Variants in CBR4 observed in about 807,000 individuals in gnomAD.
CBR4 encodes carbonyl reductase 4.
CBR4 carries 22 observed loss-of-function variants against 21.0 expected under a neutral mutation model. The observed-to-expected ratio is 1.05, with a 90% CI of 0.75 to 1.50. The LOEUF is 1.50. CBR4 is among the 40% of genes most tolerant of loss of function. CBR4 has a pLI of 0.00. For synonymous variants in CBR4, 100 were observed against 104.4 expected (o/e 0.96, Z 0.26); for missense variants, 302 against 286.3 (o/e 1.05, Z -0.40).
intron 1 of CBR4, 91 bp downstream of exon 1, chr4:169,009,857 A>G: frequency 7.8e-7 from 1 of 1,285,792 alleles, no homozygotes; most frequent in Non-Finnish European, 1.1e-6. Context: ...CTAGAGCCCT[A>G]AAGGCCAGAC....
intron 2 of CBR4, among the ~76,000 whole-genome samples, chr4:168,923,688 C>T (rs1245162388): frequency 6.6e-6 from 1 of 151,992 alleles, no homozygotes; most frequent in Non-Finnish European, 1.5e-5. Flanking sequence ...ATATACATTC[C>T]TAGTTTACAG....
chr4:169,009,110 C>T (rs998848339), intron 1 of CBR4: 7 of 442,236 alleles, frequency 1.6e-5, no homozygotes, highest in Non-Finnish European at 3.1e-5. Flanking sequence ...AGCCACAAGA[C>T]GCACCCCTAG....
chr4:168,991,051 T>C (rs902208639), intron 4 of CBR4, among the ~76,000 whole-genome samples: 3 of 152,038 alleles, frequency 2.0e-5, no homozygotes, highest in South Asian at 2.1e-4. Flanking sequence ...TGAAACTCCA[T>C]CTCAAAAAAA....
At chr4:168,979,890 C>G (rs145701025) in intron 2 of CBR4, among the ~76,000 whole-genome samples, 1 of 152,122 alleles carries the variant, frequency 6.6e-6, no homozygotes, top group Admixed American at 6.5e-5. Context: ...AAAGAAAGAC[C>G]CTGAGTGCCT....
rs559378685 is a variant in CBR4, at chr4:168,898,117, T to G, written n.170-3352A>C. Reference sequence around the variant, plus strand: ...AGAGATGTACCACCCTGCATCAGCTTTTACCCTACAGAAGGAAATCAGCGT... The same window carrying G: ...AGAGATGTACCACCCTGCATCAGCTGTTACCCTACAGAAGGAAATCAGCGT... On this transcript the variant is annotated intron_variant and non_coding_transcript_variant, in intron 2 of 3. Coordinates refer to the CBR4 transcript ENST00000509108. The G allele has an allele frequency of 1.3e-4, 40 of 297,282 alleles. No individual in the cohort carries two copies. The South Asian group carries it at 1.4e-3, about 10-fold the overall frequency. 18.4% of individuals were successfully genotyped at this position (297,282 alleles called of 1,614,324 possible).
At chr4:168,985,599 T>C (rs1325856078), downstream of CBR4, among the ~76,000 whole-genome samples, 1 of 152,168 alleles carries the variant, frequency 6.6e-6, no homozygotes, top group East Asian at 1.9e-4. Flanking sequence ...ATTGCGGCAC[T>C]GTTCACAACA....
At position 168,988,188 on chromosome 4, in the gene CBR4, G is replaced by A. The variant is rs1054699929; in HGVS notation, c.*1962C>T. 4.1e-6 allele frequency: 4 copies of A among 985,174 alleles called. No homozygotes were observed. The highest frequency in any genetic ancestry group is 4.8e-6 in the Non-Finnish European group (4 of 829,862). The allele number at this position is 985,174 out of a possible 1,614,324, so 61.0% of individuals were successfully genotyped here. A position where few individuals can be genotyped will look rare whatever the true frequency, so the allele number is the denominator to read the frequency against. On this transcript the variant is annotated 3_prime_UTR_variant, in exon 5 of 5. Coordinates refer to ENST00000306193, the MANE Select transcript of CBR4 (RefSeq NM_032783.5). Reference sequence around the variant, plus strand: ...TTCTACTAGGTCAGTGGGAGTGGGCGGATTCACCTGGAGTGGAGCAGTGAA... The same window carrying A: ...TTCTACTAGGTCAGTGGGAGTGGGCAGATTCACCTGGAGTGGAGCAGTGAA...
At chr4:168,944,877 G>A (rs1763361305) in intron 2 of CBR4, among the ~76,000 whole-genome samples, 2 of 152,062 alleles carry the variant, frequency 1.3e-5, no homozygotes, top group African/African-American at 4.8e-5. Context: ...AATAAAACCA[G>A]AAATATCAAT....
Position 169,002,203 on chromosome 4 carries a change from T to C in CBR4, c.403A>G (p.Ser135Gly), listed in dbSNP as rs747324811. 8.1e-7 allele frequency: 1 copy of C among 1,227,780 alleles called. No individual in the cohort carries two copies. Among genetic ancestry groups the C allele is most frequent in the South Asian group, 2.2e-5 (1 of 46,280 alleles). 76.1% of individuals were successfully genotyped at this position (1,227,780 alleles called of 1,614,324 possible). A position where few individuals can be genotyped will look rare whatever the true frequency, so the allele number is the denominator to read the frequency against. ...QQGGSIVNVG[S>G]IVGLKGNSGQ... ...GAGTTGCCTTTTAAGCCAACAATGCTTCCTAGGACAAAAAAAAAAAAAAAA... is the reference window on the plus strand; with the variant it reads ...GAGTTGCCTTTTAAGCCAACAATGCCTCCTAGGACAAAAAAAAAAAAAAAA... The change falls in exon 4 of 5, where the codon AGC (serine) becomes GGC (glycine). Residue 135 changes from serine (S) to glycine (G), a missense_variant and splice_region_variant. Coordinates refer to ENST00000306193, the MANE Select transcript of CBR4 (RefSeq NM_032783.5).
intron 2 of CBR4, chr4:168,925,342 G>A (rs552537711): frequency 8.1e-7 from 1 of 1,236,618 alleles, no homozygotes; most frequent in East Asian, 2.3e-5. Flanking sequence ...ACATTGGCTA[G>A]TTAGTTGTGG....
At chr4:168,975,896 C>T (rs1237929337) in intron 2 of CBR4, among the ~76,000 whole-genome samples, 1 of 152,060 alleles carries the variant, frequency 6.6e-6, no homozygotes, top group East Asian at 1.9e-4. Flanking sequence ...CAGACCTCAC[C>T]CAACTCCCCC....
chr4:168,918,192 A>G (rs1327561555), intron 2 of CBR4, among the ~76,000 whole-genome samples: 2 of 146,806 alleles, frequency 1.4e-5, no homozygotes, highest in Non-Finnish European at 3.0e-5. Flanking sequence ...CTCCCCCACA[A>G]AAAAAAAAAA....
At chr4:168,961,235 G>A (rs1416816529) in intron 2 of CBR4, among the ~76,000 whole-genome samples, 2 of 152,156 alleles carry the variant, frequency 1.3e-5, no homozygotes, top group Non-Finnish European at 2.9e-5. Context: ...TAAACAAGGA[G>A]CTAAGTGCCA....
chr4:168,935,312 G>A (rs1033862019), intron 2 of CBR4, among the ~76,000 whole-genome samples: 3 of 152,204 alleles, frequency 2.0e-5, no homozygotes, highest in Non-Finnish European at 4.4e-5. Context: ...AAGGCCCTGA[G>A]TTTTAAGCAC....
chr4:168,918,412 T>C (rs943800000), intron 2 of CBR4, among the ~76,000 whole-genome samples: 1 of 151,890 alleles, frequency 6.6e-6, no homozygotes, highest in Admixed American at 6.6e-5. Context: ...GAGGACATAA[T>C]GTTAAGTGAA....
chr4:169,002,457 C>A (rs867251959), intron 3 of CBR4, among the ~76,000 whole-genome samples: 26 of 152,214 alleles, frequency 1.7e-4, no homozygotes, highest in African/African-American at 6.3e-4. Flanking sequence ...CAGGTGCTTG[C>A]GAATTGATTC....
intron 2 of CBR4, among the ~76,000 whole-genome samples, chr4:168,955,644 A>G (rs1410131154): frequency 6.6e-6 from 1 of 152,154 alleles, no homozygotes; most frequent in East Asian, 1.9e-4. Flanking sequence ...TAGCACTCCA[A>G]AGTATCCTGT....
chr4:168,904,015 T>A, intron 2 of CBR4: 4 of 1,133,264 alleles, frequency 3.5e-6, no homozygotes, highest in Non-Finnish European at 5.3e-6. Context: ...CTTTGATTTA[T>A]GAAACTATTT....
intron 2 of CBR4, chr4:168,924,512 T>TA: frequency 8.3e-7 from 1 of 1,204,988 alleles, no homozygotes; most frequent in African/African-American, 1.5e-5. Context: ...AATCTATGTG[T>TA]AAAAGCCACA....
Sources: allele counts gnomAD v4.1 joint callset (sites outside exome capture counted in the v4.1 genomes callset), GRCh38; gene constraint gnomAD v4.1.1; transcripts MANE v1.5; gene names NCBI Gene and HGNC (gene_info 2026-07-23, HGNC 2026-07-21).